KCND3: variants seen among roughly 807,000 people sequenced by gnomAD.
KCND3 encodes potassium voltage-gated channel subfamily D member 3, also known as A-type voltage-gated potassium channel KCND3.
KCND3 carries 9 observed loss-of-function variants against 51.1 expected under a neutral mutation model. The ratio of observed to expected loss-of-function variants is 0.18; its 90% CI spans 0.11 to 0.31. The LOEUF (loss-of-function observed/expected upper bound fraction) is 0.31, where lower values mean the gene tolerates loss of function less well. KCND3 is among the 10% of genes least tolerant of loss of function. KCND3 has a pLI of 1.00. For missense variants in KCND3, 526 were observed against 903.8 expected, an observed-to-expected ratio of 0.58 and a Z score of 5.36; for synonymous variants, 349 against 368.0, an observed-to-expected ratio of 0.95 and a Z score of 0.59.
intron 2 of KCND3, among the ~76,000 whole-genome samples, chr1:111,855,382 C>T (rs952800772): frequency 2.0e-5 from 3 of 152,184 alleles, no homozygotes; most frequent in Admixed American, 6.5e-5. Context: ...GTCAGGGAGG[C>T]GTGTTCCAGC....
At chr1:111,828,118 C>G (rs1666659711) in intron 2 of KCND3, among the ~76,000 whole-genome samples, 1 of 152,204 alleles carries the variant, frequency 6.6e-6, no homozygotes, top group East Asian at 1.9e-4. Context: ...CCCCAAGCAG[C>G]AGCACTGACG....
intron 2 of KCND3, among the ~76,000 whole-genome samples, chr1:111,866,455 G>A (rs546369540): frequency 2.0e-5 from 3 of 151,998 alleles, no homozygotes; most frequent in Non-Finnish European, 4.4e-5. Context: ...TGTAGAGACA[G>A]AGTTTTGCCA....
rs373063155 is a variant in KCND3, at chr1:111,967,172, C to A, written c.1106+14449G>T. 7.8e-3 allele frequency among the ~76,000 whole-genome samples: 1,130 copies of A among 144,572 alleles called. 14 individuals carry two copies. Among genetic ancestry groups the A allele is most frequent in the African/African-American group, 0.026 (1,033 of 39,170 alleles). The allele number at this position is 144,572 out of a possible 152,430, so 94.8% of individuals were successfully genotyped here. A position where few individuals can be genotyped will look rare whatever the true frequency, so the allele number is the denominator to read the frequency against. On this transcript the variant is annotated intron_variant, in intron 2 of 7. Coordinates refer to ENST00000302127, the MANE Select transcript of KCND3 (RefSeq NM_001378969.1). The stretch of plus-strand genomic sequence containing the variant: ...AAAAAAACAAAAACAAAAAAAAAAA[C>A]AAAACAAAAACGGGGTCGGGGGGTA...
At chr1:111,792,973 G>A (rs1303558411) in intron 2 of KCND3, among the ~76,000 whole-genome samples, 1 of 150,384 alleles carries the variant, frequency 6.6e-6, no homozygotes, top group East Asian at 1.9e-4. Flanking sequence ...GAGCTCAAGT[G>A]ATCCTCCCAC....
intron 2 of KCND3, among the ~76,000 whole-genome samples, chr1:111,928,864 G>A (rs1227265559): frequency 6.6e-6 from 1 of 152,190 alleles, no homozygotes; most frequent in Non-Finnish European, 1.5e-5. Context: ...TGTTCGGGAT[G>A]AAAAGGCCAC....
intron 2 of KCND3, among the ~76,000 whole-genome samples, chr1:111,879,871 G>T (rs905719066): frequency 6.6e-6 from 1 of 152,146 alleles, no homozygotes; most frequent in African/African-American, 2.4e-5. Context: ...GTGGCGGTGG[G>T]GTGCTCAGTG....
In KCND3 at chr1:111,940,123, T is replaced by C. The variant is rs533888025; in HGVS notation, c.1106+41498A>G. On this transcript the variant is annotated intron_variant, in intron 2 of 7. Transcript: ENST00000302127. ...TAAGTTCCTTGTAGATTCTGGATAT[T>C]AGCCCTTTGTCAGACGGACAGATTG... 4.5e-4 allele frequency among the ~76,000 whole-genome samples: 63 copies of C among 141,212 alleles called. No individual in the cohort carries two copies. In the South Asian group the frequency reaches 0.015, roughly 33 times the overall value. The allele number at this position is 141,212 out of a possible 152,430, so 92.6% of individuals were successfully genotyped here. A position where few individuals can be genotyped will look rare whatever the true frequency, so the allele number is the denominator to read the frequency against.
intron 2 of KCND3, among the ~76,000 whole-genome samples, chr1:111,800,275 G>A (rs1156575621): frequency 1.9e-4 from 19 of 98,970 alleles, no homozygotes; most frequent in Non-Finnish European, 1.8e-4. Context: ...CATGTGCTGT[G>A]TCCACTCAGG....
chr1:111,953,595 G>A (rs925406337), intron 2 of KCND3, among the ~76,000 whole-genome samples: 1 of 152,238 alleles, frequency 6.6e-6, no homozygotes, highest in South Asian at 2.1e-4. Context: ...ACTGAGAAGG[G>A]AGTTGAGTGC....
In KCND3 at chr1:111,981,447, C is replaced by T. The variant is rs1323485428; in HGVS notation, c.1106+174G>A. On this transcript the variant is annotated intron_variant, in intron 2 of 7. Coordinates refer to ENST00000302127, the MANE Select transcript of KCND3 (RefSeq NM_001378969.1). The surrounding 1 kb of genome is among the most constrained non-coding windows in gnomAD (Gnocchi z 6.2). ...CTCAATTCCCAGCAAGCTACCACCC[C>T]CAAACAGATGACTCATGGGCTTTAC... Among the ~76,000 whole-genome samples the T allele has an allele frequency of 6.6e-6, 1 of 152,138 alleles. No homozygotes were observed. The highest frequency in any genetic ancestry group is 1.5e-5 in the Non-Finnish European group (1 of 68,026).
intron 2 of KCND3, among the ~76,000 whole-genome samples, chr1:111,795,972 G>A (rs771075268): frequency 1.1e-4 from 16 of 152,152 alleles, no homozygotes; most frequent in Admixed American, 3.3e-4. Context: ...ATTGTTGGCC[G>A]CATGTATTTC....
chr1:111,983,763 C>T (rs1675106154), intron 1 of KCND3, among the ~76,000 whole-genome samples: 1 of 152,154 alleles, frequency 6.6e-6, no homozygotes, highest in African/African-American at 2.4e-5. Flanking sequence ...CCCACTCCAC[C>T]CTCAGAGATT....
At chr1:111,939,710 A>G (rs951123095) in intron 2 of KCND3, among the ~76,000 whole-genome samples, 6 of 152,206 alleles carry the variant, frequency 3.9e-5, no homozygotes, top group Non-Finnish European at 7.3e-5. Context: ...TTTGATAGTA[A>G]AATGATTTCT....
chr1:111,858,056 G>A (rs1240440956), intron 2 of KCND3, among the ~76,000 whole-genome samples: 1 of 152,144 alleles, frequency 6.6e-6, no homozygotes, highest in Non-Finnish European at 1.5e-5. Context: ...ACTTACTGGA[G>A]GTTGTCGGCT....
chr1:111,977,971 G>C (rs1413686544), intron 2 of KCND3, among the ~76,000 whole-genome samples: 1 of 152,124 alleles, frequency 6.6e-6, no homozygotes, highest in Admixed American at 6.5e-5. Context: ...TGGAGCATTT[G>C]GGAACTCAGC....
intron 2 of KCND3, among the ~76,000 whole-genome samples, chr1:111,906,102 G>C (rs1045316887): frequency 1.3e-5 from 2 of 152,238 alleles, no homozygotes; most frequent in African/African-American, 4.8e-5. Context: ...AGCCACTGGA[G>C]TCCCATTCTC....
rs56156826 is a variant in KCND3 at position 111,965,438 on chromosome 1, C to CCACACACACACACACACACACACA, written c.1106+16159_1106+16182dup. On this transcript the variant is annotated intron_variant, in intron 2 of 7. Coordinates refer to ENST00000302127, the MANE Select transcript of KCND3 (RefSeq NM_001378969.1). ...CCCCGACCCCTTATGGCCAGCAAAA[C>CCACACACACACACACACACACACA]CACACACACACACACACACACACAC... is the stretch of plus-strand genomic sequence containing the variant. 9.1e-3 allele frequency among the ~76,000 whole-genome samples: 662 copies of CCACACACACACACACACACACACA among 72,362 alleles called. 102 individuals carry two copies. The highest frequency in any genetic ancestry group is 0.014 in the Admixed American group (73 of 5,402). The allele number at this position is 72,362 out of a possible 152,430, so 47.5% of individuals were successfully genotyped here. A position where few individuals can be genotyped will look rare whatever the true frequency, so the allele number is the denominator to read the frequency against.
In KCND3 at chr1:111,917,182, C is replaced by T. The variant is rs1308167854; in HGVS notation, c.1106+64439G>A. On this transcript the variant is annotated intron_variant, in intron 2 of 7. Coordinates refer to ENST00000302127, the MANE Select transcript of KCND3 (RefSeq NM_001378969.1). The stretch of plus-strand genomic sequence containing the variant: ...TTTATTTTCTCCCTTGGACTGATAA[C>T]AAGGCAAGAATGCCTGCTTTGATCA... Among the ~76,000 whole-genome samples the T allele has an allele frequency of 3.9e-5, 6 of 152,178 alleles. No homozygotes were observed. The South Asian group carries it at 1.2e-3, about 32-fold the overall frequency.
At chr1:111,928,717 C>T (rs1671825173) in intron 2 of KCND3, among the ~76,000 whole-genome samples, 1 of 152,178 alleles carries the variant, frequency 6.6e-6, no homozygotes, top group African/African-American at 2.4e-5. Context: ...GGGAGGCAGT[C>T]TAGCTCACAG....
Sources: gnomAD v4.1 joint callset for allele counts (sites outside exome capture counted in the v4.1 genomes callset) on GRCh38, gnomAD v4.1.1 for gene constraint, Gnocchi (gnomAD v3.1) non-coding constraint, MANE v1.5 for transcripts, NCBI Gene and HGNC (gene_info 2026-07-23, HGNC 2026-07-21) for gene names.